KCNIP4: variants seen among roughly 807,000 people sequenced by gnomAD.
KCNIP4 encodes the protein Kv channel-interacting protein 4.
Under a neutral mutation model 34.0 loss-of-function variants are expected in KCNIP4, and 12 were observed. The ratio of observed to expected loss-of-function variants is 0.35; its 90% CI spans 0.23 to 0.57. The LOEUF is 0.57. Among genes scored for constraint, KCNIP4 ranks in the 20% least tolerant of loss-of-function variants. KCNIP4 has a pLI of 0.83. For missense variants in KCNIP4, 238 were observed against 311.7 expected (o/e 0.76, Z 1.78); for synonymous variants, 124 against 102.2 (o/e 1.21, Z -1.29).
intron 1 of KCNIP4, among the ~76,000 whole-genome samples, chr4:21,746,037 G>A (rs2109136800): frequency 6.6e-6 from 1 of 152,182 alleles, no homozygotes; most frequent in South Asian, 2.1e-4. Flanking sequence ...TTTCTTCAGA[G>A]GCCTCTCTCC....
chr4:20,757,895 T>C (rs1467819137), intron 4 of KCNIP4, among the ~76,000 whole-genome samples: 51 of 152,182 alleles, frequency 3.4e-4, no homozygotes, highest in Non-Finnish European at 1.5e-5. Flanking sequence ...AGAGTCTCTT[T>C]TTATGTCCTC....
intron 1 of KCNIP4, among the ~76,000 whole-genome samples, chr4:21,519,478 G>A (rs1279885256): frequency 2.8e-5 from 2 of 72,330 alleles, no homozygotes; most frequent in East Asian, 4.9e-4. Flanking sequence ...ATGTGTATGT[G>A]TATATACACA....
chr4:21,532,842 C>T (rs142698804), intron 1 of KCNIP4, among the ~76,000 whole-genome samples: 24 of 151,896 alleles, frequency 1.6e-4, no homozygotes, highest in Admixed American at 6.6e-4. Flanking sequence ...TTAACCTTGG[C>T]GTTTGTTTTA....
At chr4:20,750,595 C>T (rs1189259885) in intron 4 of KCNIP4, among the ~76,000 whole-genome samples, 1 of 152,130 alleles carries the variant, frequency 6.6e-6, no homozygotes, top group East Asian at 1.9e-4. Flanking sequence ...TCCTGTTTCT[C>T]CGTTGTCTCC....
intron 2 of KCNIP4, among the ~76,000 whole-genome samples, chr4:20,878,290 C>T (rs576863888): frequency 6.6e-6 from 1 of 152,282 alleles, no homozygotes; most frequent in South Asian, 2.1e-4. Context: ...ATTCCCATGA[C>T]AATCCATTTT....
chr4:21,457,771 T>C (rs921206056), intron 1 of KCNIP4, among the ~76,000 whole-genome samples: 2 of 152,050 alleles, frequency 1.3e-5, no homozygotes, highest in Non-Finnish European at 2.9e-5. Flanking sequence ...AACCATGTGA[T>C]ATATAGGACT....
chr4:20,815,923 A>G (rs1398025899), intron 3 of KCNIP4, among the ~76,000 whole-genome samples: 3 of 152,114 alleles, frequency 2.0e-5, no homozygotes, highest in Admixed American at 2.0e-4. Context: ...TCTGACACAT[A>G]TGGATAGCTC....
At chr4:21,213,740 G>T (rs1757384524) in intron 1 of KCNIP4, among the ~76,000 whole-genome samples, 1 of 152,132 alleles carries the variant, frequency 6.6e-6, no homozygotes, top group Non-Finnish European at 1.5e-5. Flanking sequence ...CAGAGAAATG[G>T]TTTGGCCCAT....
At chr4:20,805,275 A>T (rs1345616368) in intron 3 of KCNIP4, among the ~76,000 whole-genome samples, 1 of 134,460 alleles carries the variant, frequency 7.4e-6, no homozygotes, top group Non-Finnish European at 1.5e-5. Flanking sequence ...GAGTAAAGAG[A>T]TCTTCCCACC....
intron 1 of KCNIP4, among the ~76,000 whole-genome samples, chr4:21,566,708 G>C (rs1363195504): frequency 9.9e-5 from 15 of 152,122 alleles, no homozygotes. Context: ...GAAAGGAAGA[G>C]ACAATACTTA....
chr4:21,580,759 T>C (rs1741141997), intron 1 of KCNIP4, among the ~76,000 whole-genome samples: 1 of 152,098 alleles, frequency 6.6e-6, no homozygotes, highest in Non-Finnish European at 1.5e-5. Context: ...TAGAAAATCA[T>C]CTAGGCATTT....
At chr4:20,939,409 C>G (rs1731407158) in intron 1 of KCNIP4, among the ~76,000 whole-genome samples, 1 of 152,008 alleles carries the variant, frequency 6.6e-6, no homozygotes, top group Admixed American at 6.6e-5. Context: ...GATGGAGTCT[C>G]TATCGCCAGG....
intron 1 of KCNIP4, among the ~76,000 whole-genome samples, chr4:20,914,189 C>T (rs1201154772): frequency 8.6e-5 from 13 of 151,896 alleles, no homozygotes; most frequent in Admixed American, 7.9e-4. Context: ...GAAACAGTAC[C>T]AGGCATTCAA....
chr4:21,329,197 C>A (rs1466716933), intron 1 of KCNIP4, among the ~76,000 whole-genome samples: 2 of 152,144 alleles, frequency 1.3e-5, no homozygotes, highest in East Asian at 3.9e-4. Context: ...CGATTGTATG[C>A]TGACTGATAA....
chr4:21,248,067 T>G (rs996810015), intron 1 of KCNIP4, among the ~76,000 whole-genome samples: 1 of 150,376 alleles, frequency 6.6e-6, no homozygotes, highest in Non-Finnish European at 1.5e-5. Flanking sequence ...TATATGTGTG[T>G]GTGTGTGTGT....
At chr4:21,179,372 G>T (rs1319225) in intron 1 of KCNIP4, among the ~76,000 whole-genome samples, 100,530 of 152,044 alleles carry the variant, frequency 0.66, 33,877 homozygotes, top group African/African-American at 0.79. Flanking sequence ...TTCACATAAA[G>T]TTTTGCTAAG....
chr4:21,285,684 A>C (rs540235261), intron 1 of KCNIP4, among the ~76,000 whole-genome samples: 1 of 151,720 alleles, frequency 6.6e-6, no homozygotes, highest in East Asian at 2.0e-4. Flanking sequence ...CAAAAACAAA[A>C]CAAAAAAAAA....
intron 1 of KCNIP4, among the ~76,000 whole-genome samples, chr4:21,929,875 C>T (rs1025542403): frequency 7.2e-5 from 11 of 152,250 alleles, no homozygotes; most frequent in South Asian, 2.1e-4. Context: ...CTTGCCTTGG[C>T]GTCCACAGTA....
chr4:21,101,675 A>G (rs1177706445), intron 1 of KCNIP4, among the ~76,000 whole-genome samples: 2 of 152,184 alleles, frequency 1.3e-5, no homozygotes, highest in African/African-American at 4.8e-5. Context: ...AGTGTGCGGT[A>G]AGAGCTAGAT....
Sources: allele counts gnomAD v4.1 joint callset (sites outside exome capture counted in the v4.1 genomes callset), GRCh38; gene constraint gnomAD v4.1.1; transcripts MANE v1.5; gene names NCBI Gene and HGNC (gene_info 2026-07-23, HGNC 2026-07-21).